Variants in ADGRL3 observed in about 807,000 individuals in gnomAD.
The protein encoded by ADGRL3 is adhesion G protein-coupled receptor L3, also known as calcium-independent alpha-latrotoxin receptor 3.
ADGRL3 carries 62 observed loss-of-function variants against 153.5 expected under a neutral mutation model. The observed-to-expected ratio is 0.40, with a 90% CI of 0.33 to 0.50. The LOEUF is 0.50. Ranked by LOEUF, ADGRL3 falls within the 20% of genes least tolerant of loss-of-function variation. The pLI, the probability that ADGRL3 is intolerant of heterozygous loss-of-function variation, is 0.47. For synonymous variants in ADGRL3, 710 were observed against 672.5 expected, an observed-to-expected ratio of 1.06 and a Z score of -0.86; for missense variants, 1,641 against 1,859.4, an observed-to-expected ratio of 0.88 and a Z score of 2.16.
intron 2 of ADGRL3, among the ~76,000 whole-genome samples, chr4:61,447,026 T>C (rs2643039): frequency 0.93 from 141,677 of 152,072 alleles, 66,836 homozygotes; most frequent in East Asian, 1. Context: ...GCTCAGTTAA[T>C]TTGGATCCTA....
intron 5 of ADGRL3, among the ~76,000 whole-genome samples, chr4:61,626,540 A>G (rs547672400): frequency 2.0e-5 from 3 of 152,222 alleles, no homozygotes; most frequent in African/African-American, 7.2e-5. Context: ...CAAAAACATT[A>G]ATCACTAATT....
chr4:61,673,662 AAAGGACAG>A (rs2095082803), intron 5 of ADGRL3, among the ~76,000 whole-genome samples: 2 of 151,456 alleles, frequency 1.3e-5, no homozygotes, highest in Non-Finnish European at 1.5e-5. Context: ...AAAGCGAAGT[AAAGGACAG>A]AACCTTTAAA....
intron 9 of ADGRL3, among the ~76,000 whole-genome samples, chr4:61,839,542 T>G (rs1163461373): frequency 6.6e-6 from 1 of 152,042 alleles, no homozygotes; most frequent in Non-Finnish European, 1.5e-5. Flanking sequence ...TTATGGTAGT[T>G]TTTTGTTGTT....
intron 2 of ADGRL3, among the ~76,000 whole-genome samples, chr4:61,489,557 A>G (rs572502566): frequency 2.0e-5 from 3 of 152,176 alleles, no homozygotes; most frequent in African/African-American, 7.2e-5. Flanking sequence ...AAGTGCTGTA[A>G]TTATCTGGAA....
chr4:62,014,153 A>G (rs1464646336), intron 21 of ADGRL3, among the ~76,000 whole-genome samples: 1 of 152,146 alleles, frequency 6.6e-6, no homozygotes, highest in Non-Finnish European at 1.5e-5. Context: ...TAAATAGCTC[A>G]TGGCAAAACC....
intron 5 of ADGRL3, among the ~76,000 whole-genome samples, chr4:61,650,948 G>GT (rs2150379311): frequency 6.6e-6 from 1 of 152,228 alleles, no homozygotes; most frequent in African/African-American, 2.4e-5. Context: ...TCTTTTGAAT[G>GT]TTTTTGTTGT....
intron 1 of ADGRL3, among the ~76,000 whole-genome samples, chr4:61,287,984 T>G (rs952132310): frequency 5.3e-5 from 8 of 151,940 alleles, no homozygotes; most frequent in East Asian, 1.9e-4. Context: ...TCTCTCCCCC[T>G]TACTTTTAGG....
chr4:62,051,583 T>C (rs953612303), intron 25 of ADGRL3, among the ~76,000 whole-genome samples: 1 of 151,748 alleles, frequency 6.6e-6, no homozygotes, highest in Non-Finnish European at 1.5e-5. Context: ...CTGATATGAC[T>C]CATCCAAGTA....
At chr4:61,822,942 G>A (rs1209656758) in intron 9 of ADGRL3, among the ~76,000 whole-genome samples, 1 of 152,188 alleles carries the variant, frequency 6.6e-6, no homozygotes, top group Admixed American at 6.5e-5. Context: ...CAGTGATAAT[G>A]ATGCTCACGT....
chr4:61,526,087 A>G (rs1238195527), intron 4 of ADGRL3, among the ~76,000 whole-genome samples: 1 of 152,130 alleles, frequency 6.6e-6, no homozygotes, highest in African/African-American at 2.4e-5. Context: ...TGATCAAGAC[A>G]TGGGTTGATA....
chr4:61,230,022 G>A (rs1577920064), intron 1 of ADGRL3, among the ~76,000 whole-genome samples: 3 of 152,030 alleles, frequency 2.0e-5, no homozygotes, highest in African/African-American at 7.2e-5. Flanking sequence ...GTAACCATAA[G>A]TACTCAAAAA....
At chr4:61,331,424 G>T (rs967177397) in intron 1 of ADGRL3, among the ~76,000 whole-genome samples, 2 of 151,942 alleles carry the variant, frequency 1.3e-5, no homozygotes, top group African/African-American at 2.4e-5. Context: ...GACCAATTTT[G>T]GTTCAATAAA....
rs527823462 is a variant in ADGRL3, at chr4:61,888,034, C to T, written c.1481-4622C>T. ...AACAAATCAAATTCTAAGAAAGAAACGAGTTATGAACAGTAAATTTCAAAG... is the reference window on the plus strand; with the variant it reads ...AACAAATCAAATTCTAAGAAAGAAATGAGTTATGAACAGTAAATTTCAAAG... On this transcript the variant is annotated intron_variant, in intron 9 of 26. Coordinates refer to ENST00000683033, the MANE Select transcript of ADGRL3 (RefSeq NM_001387552.1). Among the ~76,000 whole-genome samples, 47 of 151,926 alleles carry T rather than the reference C, an allele frequency of 3.1e-4. No individual in the cohort carries two copies. In the Middle Eastern group the frequency reaches 0.014, roughly 44 times the overall value.
chr4:61,522,480 C>T (rs2152924018), intron 4 of ADGRL3, among the ~76,000 whole-genome samples: 1 of 152,170 alleles, frequency 6.6e-6, no homozygotes, highest in East Asian at 1.9e-4. Flanking sequence ...GAAGTGCTTT[C>T]AAAGTTGAAG....
rs573797305 is a variant in ADGRL3, at chr4:61,520,109, T to G, written c.259+2591T>G. Among the ~76,000 whole-genome samples the G allele has an allele frequency of 2.0e-4, 30 of 152,278 alleles. 1 individual carries two copies. The highest frequency in any genetic ancestry group is 7.2e-4 in the African/African-American group (30 of 41,564). On this transcript the variant is annotated intron_variant, in intron 4 of 26. Coordinates refer to ENST00000683033, the MANE Select transcript of ADGRL3 (RefSeq NM_001387552.1). ...ACTTGAGAGTTAATGAGTATTTGGA[T>G]TCATACAAATTAGGACATCTTGGTA...
rs181948655 is a variant in ADGRL3 at position 61,246,560 on chromosome 4, T to C, written c.-240+44795T>C. On this transcript the variant is annotated intron_variant, in intron 1 of 26. Coordinates refer to ENST00000683033, the MANE Select transcript of ADGRL3 (RefSeq NM_001387552.1). Reference sequence around the variant, plus strand: ...TATTTAGGTTGAAACTTAGCAATATTGGCTTTGAAGACACCCAAGTCTAAT... The same window carrying C: ...TATTTAGGTTGAAACTTAGCAATATCGGCTTTGAAGACACCCAAGTCTAAT... 3.9e-5 allele frequency among the ~76,000 whole-genome samples: 6 copies of C among 152,178 alleles called. No individual in the cohort carries two copies. The East Asian group carries it at 1.2e-3, about 29-fold the overall frequency.
intron 6 of ADGRL3, among the ~76,000 whole-genome samples, chr4:61,717,619 A>T (rs2096147432): frequency 6.6e-6 from 1 of 152,204 alleles, no homozygotes; most frequent in African/African-American, 2.4e-5. Flanking sequence ...TAAACATTCA[A>T]TAGTTGTTGG....
At chr4:61,841,813 C>G (rs2098036674) in intron 9 of ADGRL3, among the ~76,000 whole-genome samples, 1 of 152,136 alleles carries the variant, frequency 6.6e-6, no homozygotes, top group Non-Finnish European at 1.5e-5. Flanking sequence ...TCCTTGCTGT[C>G]TAGACTTTAC....
intron 21 of ADGRL3, among the ~76,000 whole-genome samples, chr4:62,005,678 A>AATTTAATTCAG (rs925138542): frequency 2.6e-5 from 4 of 152,028 alleles, no homozygotes; most frequent in Non-Finnish European, 4.4e-5. Context: ...AATCTGAATT[A>AATTTAATTCAG]ATTTAAACTA....
Sources: allele counts gnomAD v4.1 joint callset (sites outside exome capture counted in the v4.1 genomes callset), GRCh38; gene constraint gnomAD v4.1.1; transcripts MANE v1.5; gene names NCBI Gene and HGNC (gene_info 2026-07-23, HGNC 2026-07-21).